Variants in EFTUD2 observed in about 807,000 individuals in gnomAD.
EFTUD2 encodes the protein 116 kDa U5 small nuclear ribonucleoprotein component.
EFTUD2 carries 9 observed loss-of-function variants against 114.3 expected under a neutral mutation model. The observed-to-expected ratio is 0.08, with a 90% CI of 0.05 to 0.14. The LOEUF is 0.14. Among genes scored for constraint, EFTUD2 ranks in the 10% least tolerant of loss-of-function variants. The pLI, the probability that EFTUD2 is intolerant of heterozygous loss-of-function variation, is 1.00. For missense variants in EFTUD2, 765 were observed against 1,241.2 expected (o/e 0.62, Z 5.76); for synonymous variants, 449 against 462.3 (o/e 0.97, Z 0.37).
rs960346578 is a variant in EFTUD2, at chr17:44,899,437, A to T, written c.-73T>A. ...TCGTGCTTCCGCCCCACGCCGAGGA[A>T]ACGCCTGCGCCCGCCGCCAGGAAGG... is the stretch of plus-strand genomic sequence containing the variant. On this transcript the variant is annotated 5_prime_UTR_variant, in exon 1 of 28. Transcript: ENST00000426333. 2.0e-5 allele frequency: 3 copies of T among 152,658 alleles called. No individual in the cohort carries two copies. The highest frequency in any genetic ancestry group is 7.2e-5 in the African/African-American group (3 of 41,456). The allele number at this position is 152,658 out of a possible 1,614,324, so 9.5% of individuals were successfully genotyped here.
At chr17:44,899,270 G>T (rs1168875045) in intron 1 of EFTUD2, 99 bp downstream of exon 1, 1 of 152,134 alleles carries the variant, frequency 6.6e-6, no homozygotes, top group Non-Finnish European at 1.5e-5. Context: ...AAAGCGAAAG[G>T]GGCCAATAGC....
intron 3 of EFTUD2, 92 bp from the exon 4 acceptor site, chr17:44,885,426 A>G (rs912515752): frequency 2.2e-5 from 19 of 858,114 alleles, no homozygotes; most frequent in Non-Finnish European, 3.1e-5. Context: ...TTCAGAATGT[A>G]TGATGTATGA....
intron 4 of EFTUD2, among the ~76,000 whole-genome samples, chr17:44,884,959 A>G (rs957417855): frequency 3.2e-4 from 48 of 152,204 alleles, no homozygotes; most frequent in Non-Finnish European, 5.9e-5. Flanking sequence ...ATTGAGTCCA[A>G]ACAGGCTCTG....
intron 1 of EFTUD2, chr17:44,899,136 T>G (rs2051461673): frequency 6.6e-6 from 1 of 152,172 alleles, no homozygotes; most frequent in South Asian, 2.1e-4. Flanking sequence ...GGACTGAGGC[T>G]ATAGAGGCAG....
At chr17:44,891,080 G>A (rs2051270169) in intron 2 of EFTUD2, among the ~76,000 whole-genome samples, 1 of 152,104 alleles carries the variant, frequency 6.6e-6, no homozygotes, top group African/African-American at 2.4e-5. Flanking sequence ...TGTACACACA[G>A]CAACAGGGAG....
chr17:44,868,706 G>A (rs971325805), intron 11 of EFTUD2, among the ~76,000 whole-genome samples: 9 of 152,174 alleles, frequency 5.9e-5, no homozygotes, highest in Admixed American at 3.3e-4. Context: ...GTCCCTTCTG[G>A]AAGGGGAATT....
intron 19 of EFTUD2, 132 bp from the exon 20 acceptor site, chr17:44,857,289 T>C: frequency 1.4e-6 from 1 of 707,938 alleles, no homozygotes; most frequent in South Asian, 1.6e-5. Flanking sequence ...TCAGCACAAG[T>C]GATAAGTACA....
chr17:44,883,548 C>A (rs746499363), intron 5 of EFTUD2, 101 bp downstream of exon 5: 17 of 1,099,948 alleles, frequency 1.5e-5, no homozygotes, highest in South Asian at 1.1e-4. Flanking sequence ...GGAGGTTGAG[C>A]CTTGTGACCT....
Position 44,862,877 on chromosome 17 carries a change from C to T in EFTUD2, c.1443G>A (p.Met481Ile). ...DGPLMCHTTK[M>I]YSTDDGVQFH... ...ACTGGACTCCATCATCTGTGCTGTACATCTTAGTAGTGTGGCACATCAGGG... is the reference window on the plus strand; with the variant it reads ...ACTGGACTCCATCATCTGTGCTGTATATCTTAGTAGTGTGGCACATCAGGG... The change falls in exon 16 of 28, where the codon ATG becomes ATA. Residue 481 changes from methionine (M) to isoleucine (I), a missense_variant. Coordinates refer to ENST00000426333, the MANE Select transcript of EFTUD2 (RefSeq NM_004247.4). The T allele has an allele frequency of 6.2e-7, 1 of 1,614,088 alleles. No individual in the cohort carries two copies. The highest frequency in any genetic ancestry group is 8.5e-7 in the Non-Finnish European group (1 of 1,179,940).
intron 9 of EFTUD2, among the ~76,000 whole-genome samples, chr17:44,876,882 C>A (rs1383348800): frequency 3.2e-3 from 219 of 68,322 alleles, no homozygotes; most frequent in African/African-American, 4.4e-3. Context: ...AAAAAAAAAA[C>A]TACTCCCCAC....
At chr17:44,866,141 A>G (rs1176808396) in intron 13 of EFTUD2, among the ~76,000 whole-genome samples, 1 of 152,264 alleles carries the variant, frequency 6.6e-6, no homozygotes, top group Non-Finnish European at 1.5e-5. Context: ...AGCATTCCAC[A>G]TGCTTAATTA....
intron 11 of EFTUD2, among the ~76,000 whole-genome samples, chr17:44,871,960 T>C (rs1798795584): frequency 6.6e-6 from 1 of 152,214 alleles, no homozygotes; most frequent in Non-Finnish European, 1.5e-5. Context: ...GGATCTGGTG[T>C]TGAGGCTCCA....
At chr17:44,868,517 G>A (rs1266400133) in intron 11 of EFTUD2, 167 bp from the exon 12 acceptor site, 10 of 618,026 alleles carry the variant, frequency 1.6e-5, no homozygotes, top group Non-Finnish European at 2.5e-5. Flanking sequence ...GAGGCACAAA[G>A]AAGGACAAGA....
chr17:44,861,169 G>A (rs1429532308), intron 16 of EFTUD2, among the ~76,000 whole-genome samples: 1 of 152,194 alleles, frequency 6.6e-6, no homozygotes, highest in Non-Finnish European at 1.5e-5. Flanking sequence ...GGCCGGGTGT[G>A]GCGGCTCACG....
At chr17:44,872,603 G>C in intron 10 of EFTUD2, 33 bp from the exon 11 acceptor site, 1 of 1,572,930 alleles carries the variant, frequency 6.4e-7, no homozygotes, top group Non-Finnish European at 8.6e-7. Flanking sequence ...CACAGTGCCA[G>C]GCTGCAGCAG....
At chr17:44,885,439 T>C (rs2051151020) in intron 3 of EFTUD2, 105 bp from the exon 4 acceptor site, 2 of 805,844 alleles carry the variant, frequency 2.5e-6, no homozygotes, top group Non-Finnish European at 4.2e-6. Flanking sequence ...ATGTATGACA[T>C]CAATTTATTT....
chr17:44,892,706 C>T (rs2051303781), intron 2 of EFTUD2, among the ~76,000 whole-genome samples: 1 of 138,512 alleles, frequency 7.2e-6, no homozygotes, highest in African/African-American at 2.7e-5. Flanking sequence ...GGCTCGATCT[C>T]AGCTCACTGC....
At chr17:44,883,180 A>G in intron 5 of EFTUD2, 22 bp from the exon 6 acceptor site, 1 of 1,613,190 alleles carries the variant, frequency 6.2e-7, no homozygotes, top group Non-Finnish European at 8.5e-7. Context: ...GAAACAGTTA[A>G]CATCTGCCGA....
chr17:44,853,869 TC>T (rs1175817652), intron 23 of EFTUD2: 2 of 1,394,138 alleles, frequency 1.4e-6, no homozygotes, highest in Non-Finnish European at 1.9e-6. Context: ...CTTAGAGCTT[TC>T]CTAGAAGTTT....
Sources: gnomAD v4.1 joint callset for allele counts (sites outside exome capture counted in the v4.1 genomes callset) on GRCh38, gnomAD v4.1.1 for gene constraint, MANE v1.5 for transcripts, NCBI Gene and HGNC (gene_info 2026-07-23, HGNC 2026-07-21) for gene names.